B4GALT6: variants seen among roughly 807,000 people sequenced by gnomAD.
B4GALT6 encodes beta-1,4-galactosyltransferase 6.
B4GALT6 carries 14 observed loss-of-function variants against 46.3 expected under a neutral mutation model. The observed-to-expected ratio is 0.30, with a 90% CI of 0.20 to 0.47. The LOEUF (loss-of-function observed/expected upper bound fraction) is 0.47, where lower values mean the gene tolerates loss of function less well. Among genes scored for constraint, B4GALT6 ranks in the 20% least tolerant of loss-of-function variants. The probability of loss-of-function intolerance (pLI) is 0.99; values close to 1 mark genes in which losing one functional copy is unlikely to be tolerated. For missense variants in B4GALT6, 386 were observed against 480.1 expected, an observed-to-expected ratio of 0.80 and a Z score of 1.83; for synonymous variants, 168 against 162.0, an observed-to-expected ratio of 1.04 and a Z score of -0.28.
intron 3 of B4GALT6, among the ~76,000 whole-genome samples, chr18:31,647,058 A>G (rs564113889): frequency 1.3e-4 from 20 of 152,372 alleles, no homozygotes; most frequent in Non-Finnish European, 2.5e-4. Flanking sequence ...ATCAGTAAAC[A>G]TAAGTACAGA....
rs931071782 is a variant in B4GALT6, at chr18:31,661,444, TCTA to T, written c.233-3358_233-3356del. On this transcript the variant is annotated intron_variant, in intron 2 of 8. Coordinates refer to ENST00000306851, the MANE Select transcript of B4GALT6 (RefSeq NM_004775.5). ...TTTCTACTATTAAAATATAAAAAGT[TCTA>T]CTTAAAAATGCAAGAATATGAATAA... Among the ~76,000 whole-genome samples, 41 of 152,308 alleles carry T rather than the reference TCTA, an allele frequency of 2.7e-4. 1 individual carries two copies. Among genetic ancestry groups the T allele is most frequent in the Admixed American group, 1.4e-3 (21 of 15,292 alleles).
Position 31,676,125 on chromosome 18 carries a change from T to C in B4GALT6, c.115+8187A>G, listed in dbSNP as rs202006251. ...AAATAATGTCCAATTTCTCTTCCTA[T>C]GAGTCAAACTGAAAATTGCACTATA... On this transcript the variant is annotated intron_variant, in intron 1 of 8. Coordinates refer to ENST00000306851, the MANE Select transcript of B4GALT6 (RefSeq NM_004775.5). Among the ~76,000 whole-genome samples the C allele has an allele frequency of 1.4e-4, 21 of 152,308 alleles. No individual in the cohort carries two copies. In the East Asian group the frequency reaches 2.3e-3, roughly 17 times the overall value.
chr18:31,695,841 G>A, the B4GALT6 span, among the ~76,000 whole-genome samples: 1 of 152,252 alleles, frequency 6.6e-6, no homozygotes, highest in East Asian at 1.9e-4. Flanking sequence ...CTGCTCCTCA[G>A]GTACACTCCC....
At chr18:31,668,659 A>G (rs538606394) in intron 1 of B4GALT6, among the ~76,000 whole-genome samples, 5 of 152,222 alleles carry the variant, frequency 3.3e-5, no homozygotes, top group South Asian at 2.1e-4. Flanking sequence ...TGTGGCAGAT[A>G]TTAAGCCCTT....
At chr18:31,695,684 G>T in the B4GALT6 span, among the ~76,000 whole-genome samples, 1 of 152,218 alleles carries the variant, frequency 6.6e-6, no homozygotes, top group African/African-American at 2.4e-5. Context: ...AGTAGTGAAA[G>T]CTAAGGCAAA....
the B4GALT6 span, among the ~76,000 whole-genome samples, chr18:31,713,609 C>A: frequency 6.6e-6 from 1 of 152,052 alleles, no homozygotes; most frequent in African/African-American, 2.4e-5. Context: ...TGTACTTGGC[C>A]TTTTTTTAGT....
chr18:31,706,640 G>A, the B4GALT6 span, among the ~76,000 whole-genome samples: 641 of 151,428 alleles, frequency 4.2e-3, 3 homozygotes, highest in African/African-American at 0.015. Flanking sequence ...TTTCAAAAAA[G>A]AAAAGAAAAA....
intron 1 of B4GALT6, among the ~76,000 whole-genome samples, chr18:31,678,098 G>C (rs190553309): frequency 1.3e-4 from 20 of 152,288 alleles, no homozygotes; most frequent in Non-Finnish European, 1.9e-4. Context: ...CTTTTGCAAG[G>C]TAAGCCAGGG....
At chr18:31,665,682 C>T (rs2074274218) in intron 2 of B4GALT6, among the ~76,000 whole-genome samples, 1 of 152,156 alleles carries the variant, frequency 6.6e-6, no homozygotes, top group Non-Finnish European at 1.5e-5. Flanking sequence ...ATGGAGCTTG[C>T]AGTGAGCCAA....
At position 31,666,304 on chromosome 18, in the gene B4GALT6, G is replaced by C; in HGVS notation, c.184C>G (p.His62Asp). 1 of 1,610,166 alleles carries C rather than the reference G, an allele frequency of 6.2e-7. No homozygotes were observed. The highest frequency in any genetic ancestry group is 8.5e-7 in the Non-Finnish European group (1 of 1,177,976). Residue 62 changes from histidine to aspartate, a missense_variant, in exon 2 of 9, where the codon CAT becomes GAT. His to Asp is a moderately conservative substitution (Grantham distance 81). Around this residue, in one of 2 missense-constraint regions of B4GALT6, gnomAD observed 323 missense variants for 438.9 expected, o/e 0.74. Transcript: ENST00000306851. ...TTATTTGTGTACAGCCTGATCATATGACCTATTGTTTTCACATTTTCTCTC... is the reference window on the plus strand; with the variant it reads ...TTATTTGTGTACAGCCTGATCATATCACCTATTGTTTTCACATTTTCTCTC... The part of the protein sequence containing the change: ...MLRENVKTIG[H>D]MIRLYTNKNS...
intron 1 of B4GALT6, 43 bp from the exon 2 acceptor site, chr18:31,666,415 CTTTT>C (rs762204862): frequency 6.4e-6 from 6 of 937,990 alleles, no homozygotes; most frequent in South Asian, 1.8e-5. Context: ...ACACAGTAAG[CTTTT>C]TTTTATTTAA....
At chr18:31,709,706 C>T in the B4GALT6 span, among the ~76,000 whole-genome samples, 1 of 151,642 alleles carries the variant, frequency 6.6e-6, no homozygotes, top group South Asian at 2.1e-4. Context: ...AAATGATGCT[C>T]TAAGATACCG....
At chr18:31,631,342 G>A (rs561649679) in intron 5 of B4GALT6, among the ~76,000 whole-genome samples, 196 bp from the exon 6 acceptor site, 10 of 151,774 alleles carry the variant, frequency 6.6e-5, no homozygotes, top group Non-Finnish European at 1.2e-4. Context: ...GTGAGCCACC[G>A]CGCCCGGCCC....
At chr18:31,692,071 A>G in the B4GALT6 span, among the ~76,000 whole-genome samples, 1 of 152,178 alleles carries the variant, frequency 6.6e-6, no homozygotes, top group East Asian at 1.9e-4. Context: ...AAAATACAGT[A>G]TCTTTTCTTT....
chr18:31,641,147 G>A (rs143526430), intron 4 of B4GALT6, among the ~76,000 whole-genome samples: 8 of 152,314 alleles, frequency 5.3e-5, no homozygotes, highest in African/African-American at 1.7e-4. Context: ...ATTAAAGACA[G>A]TGCATATTAA....
At chr18:31,697,002 C>T in the B4GALT6 span, among the ~76,000 whole-genome samples, 1 of 152,140 alleles carries the variant, frequency 6.6e-6, no homozygotes, top group Non-Finnish European at 1.5e-5. Context: ...CGCGGTGGCT[C>T]ACACCTGTAA....
At chr18:31,656,628 G>C (rs1287172036) in intron 3 of B4GALT6, among the ~76,000 whole-genome samples, 1 of 152,042 alleles carries the variant, frequency 6.6e-6, no homozygotes, top group Non-Finnish European at 1.5e-5. Flanking sequence ...GTATTTATCT[G>C]TATGGCCTCT....
upstream of B4GALT6, among the ~76,000 whole-genome samples, chr18:31,685,327 G>A (rs2074534282): frequency 6.6e-6 from 1 of 151,602 alleles, no homozygotes; most frequent in South Asian, 2.1e-4. Context: ...GGAGCCGGAA[G>A]AGCAGAGGCC....
intron 5 of B4GALT6, among the ~76,000 whole-genome samples, chr18:31,636,592 A>T (rs1204569296): frequency 1.3e-5 from 2 of 152,172 alleles, no homozygotes; most frequent in African/African-American, 4.8e-5. Flanking sequence ...AAACCATACC[A>T]AGTGCTGGCA....
Sources: allele counts gnomAD v4.1 joint callset (sites outside exome capture counted in the v4.1 genomes callset), GRCh38; gene constraint gnomAD v4.1.1; regional missense constraint gnomAD v4.1.1; transcripts MANE v1.5; gene names NCBI Gene and HGNC (gene_info 2026-07-23, HGNC 2026-07-21).